IPMK: variants seen among roughly 807,000 people sequenced by gnomAD.
IPMK encodes the protein inositol polyphosphate multikinase, also known as inositol 1,3,4,6-tetrakisphosphate 5-kinase.
In IPMK, 17 loss-of-function variants were observed where a neutral mutation model predicts 45.8. The ratio of observed to expected loss-of-function variants is 0.37; its 90% CI spans 0.25 to 0.56. The LOEUF (loss-of-function observed/expected upper bound fraction) is 0.56, where lower values mean the gene tolerates loss of function less well. IPMK is among the 20% of genes least tolerant of loss of function. The pLI, the probability that IPMK is intolerant of heterozygous loss-of-function variation, is 0.79. For missense variants in IPMK, 399 were observed against 498.0 expected, an observed-to-expected ratio of 0.80 and a Z score of 1.89; for synonymous variants, 180 against 184.3, an observed-to-expected ratio of 0.98 and a Z score of 0.19.
intron 3 of IPMK, among the ~76,000 whole-genome samples, chr10:58,221,790 C>T (rs1443130196): frequency 2.6e-5 from 4 of 152,086 alleles, no homozygotes; most frequent in African/African-American, 9.6e-5. Flanking sequence ...TCTCTGTCGC[C>T]CAGGCTGGAG....
intron 3 of IPMK, among the ~76,000 whole-genome samples, chr10:58,219,257 T>C (rs1838294890): frequency 1.3e-5 from 2 of 152,198 alleles, no homozygotes; most frequent in Admixed American, 1.3e-4. Flanking sequence ...TCCCTCTGAG[T>C]TAAAAAATAA....
At chr10:58,228,108 T>G (rs1838447882) in intron 2 of IPMK, among the ~76,000 whole-genome samples, 2 of 152,172 alleles carry the variant, frequency 1.3e-5, no homozygotes, top group Admixed American at 6.5e-5. Flanking sequence ...TTCATATTAG[T>G]CACTTCCAGG....
intron 4 of IPMK, among the ~76,000 whole-genome samples, chr10:58,208,810 G>C (rs577999645): frequency 6.6e-6 from 1 of 151,498 alleles, no homozygotes; most frequent in Admixed American, 6.6e-5. Flanking sequence ...GCCCATAGAG[G>C]GGGTATCCCT....
In IPMK at chr10:58,233,240, G is replaced by T. The variant is rs545044831; in HGVS notation, c.276+4489C>A. ...GATTCACAGCCGAATTCTACCAGAA[G>T]TACAAAGAGGAGCTGGTACCATTCC... On this transcript the variant is annotated intron_variant, in intron 2 of 5. Transcript: ENST00000373935. 2.0e-5 allele frequency among the ~76,000 whole-genome samples: 3 copies of T among 152,258 alleles called. No individual in the cohort carries two copies. The South Asian group carries it at 6.2e-4, about 32-fold the overall frequency.
At chr10:58,265,055 T>C (rs1839130070) in intron 1 of IPMK, among the ~76,000 whole-genome samples, 1 of 152,234 alleles carries the variant, frequency 6.6e-6, no homozygotes, top group Non-Finnish European at 1.5e-5. Context: ...AAATACTTTG[T>C]ATTCTTAGAA....
chr10:58,252,274 A>T (rs1838891596), intron 1 of IPMK, among the ~76,000 whole-genome samples: 1 of 152,200 alleles, frequency 6.6e-6, no homozygotes, highest in Non-Finnish European at 1.5e-5. Flanking sequence ...CTTTAACACC[A>T]TATCACCCCC....
rs556664191 is a variant in IPMK, at chr10:58,193,920, T to C, written c.*2156A>G. On this transcript the variant is annotated 3_prime_UTR_variant, in exon 6 of 6. Coordinates refer to ENST00000373935, the MANE Select transcript of IPMK (RefSeq NM_152230.5). ...CTTATAAAGCAACATAAAATGAGCA[T>C]TGGATAACAATGATAACAAATGTAA... The C allele has an allele frequency of 6.6e-6, 1 of 151,978 alleles. No individual in the cohort carries two copies. Among genetic ancestry groups the C allele is most frequent in the South Asian group, 2.1e-4 (1 of 4,826 alleles). 9.4% of individuals were successfully genotyped at this position (151,978 alleles called of 1,614,324 possible).
chr10:58,255,785 C>T (rs959515310), intron 1 of IPMK, among the ~76,000 whole-genome samples: 4 of 152,048 alleles, frequency 2.6e-5, no homozygotes, highest in African/African-American at 9.7e-5. Context: ...AGACCCCGAA[C>T]GGAGGGACCG....
rs529077470 is a variant in IPMK at position 58,257,352 on chromosome 10, G to A, written c.190+10070C>T. On this transcript the variant is annotated intron_variant, in intron 1 of 5. Transcript: ENST00000373935. ...TCTACTAAAAACACAAAGATTAGCT[G>A]GGCATGGTGGCATGTGCCTGTAGTC... 5.3e-5 allele frequency among the ~76,000 whole-genome samples: 8 copies of A among 152,088 alleles called. 1 individual carries two copies. Among genetic ancestry groups the A allele is most frequent in the African/African-American group, 1.9e-4 (8 of 41,498 alleles).
At chr10:58,253,188 C>T (rs565608125) in intron 1 of IPMK, among the ~76,000 whole-genome samples, 3 of 152,224 alleles carry the variant, frequency 2.0e-5, no homozygotes, top group South Asian at 2.1e-4. Context: ...TCTTGCCTGC[C>T]GCTATGTAAA....
intron 4 of IPMK, among the ~76,000 whole-genome samples, chr10:58,211,700 A>G (rs368127168): frequency 5.9e-5 from 9 of 151,266 alleles, no homozygotes; most frequent in African/African-American, 2.2e-4. Context: ...ACCTCAGTGC[A>G]ACAGTGAAAC....
chr10:58,237,588 C>A lies in IPMK; in HGVS notation c.276+141G>T, dbSNP rs747257880. On this transcript the variant is annotated intron_variant, in intron 2 of 5. Coordinates refer to ENST00000373935, the MANE Select transcript of IPMK (RefSeq NM_152230.5). ...GACTGCATCACATACAGTAAAGATACGCACTGCTTTCCATGAAGCTTTTGT... is the reference window on the plus strand; with the variant it reads ...GACTGCATCACATACAGTAAAGATAAGCACTGCTTTCCATGAAGCTTTTGT... The A allele has an allele frequency of 1.3e-5, 8 of 636,388 alleles. No homozygotes were observed. In the African/African-American group the frequency reaches 1.3e-4, roughly 10 times the overall value. The allele number at this position is 636,388 out of a possible 1,614,324, so 39.4% of individuals were successfully genotyped here. A position where few individuals can be genotyped will look rare whatever the true frequency, so the allele number is the denominator to read the frequency against.
chr10:58,200,144 A>G (rs1037219950), intron 4 of IPMK, among the ~76,000 whole-genome samples: 1 of 152,146 alleles, frequency 6.6e-6, no homozygotes, highest in Non-Finnish European at 1.5e-5. Flanking sequence ...GGAGGGACGG[A>G]GTCTCTCTCT....
intron 1 of IPMK, among the ~76,000 whole-genome samples, chr10:58,263,222 C>CA (rs1839100709): frequency 1.3e-5 from 2 of 151,630 alleles, no homozygotes; most frequent in African/African-American, 4.9e-5. Flanking sequence ...CCCATCTCTA[C>CA]AAAAAATTTT....
intron 1 of IPMK, among the ~76,000 whole-genome samples, chr10:58,248,765 T>A (rs1414529488): frequency 6.6e-6 from 1 of 152,214 alleles, no homozygotes; most frequent in Non-Finnish European, 1.5e-5. Context: ...TGTTTTTAGC[T>A]CCCTCATCTG....
intron 1 of IPMK, among the ~76,000 whole-genome samples, chr10:58,243,713 C>G (rs1157535251): frequency 6.6e-6 from 1 of 152,304 alleles, no homozygotes; most frequent in African/African-American, 2.4e-5. Context: ...GATCTCGGCT[C>G]GCTACAACCT....
chr10:58,221,533 T>G (rs1460475393), intron 3 of IPMK, among the ~76,000 whole-genome samples: 2 of 152,062 alleles, frequency 1.3e-5, no homozygotes, highest in African/African-American at 4.8e-5. Context: ...CAAAAAAATA[T>G]AATGAACTAA....
chr10:58,243,612 AG>A (rs1838732900), intron 1 of IPMK, among the ~76,000 whole-genome samples: 1 of 151,768 alleles, frequency 6.6e-6, no homozygotes, highest in African/African-American at 2.4e-5. Flanking sequence ...TCGGGTGATT[AG>A]CCCGCCTCGG....
intron 1 of IPMK, among the ~76,000 whole-genome samples, chr10:58,244,926 C>T (rs933243667): frequency 2.0e-5 from 3 of 152,050 alleles, no homozygotes; most frequent in Non-Finnish European, 4.4e-5. Flanking sequence ...GGGACCTCTG[C>T]CTAGGAAAAC....
Sources: allele counts gnomAD v4.1 joint callset (sites outside exome capture counted in the v4.1 genomes callset), GRCh38; gene constraint gnomAD v4.1.1; transcripts MANE v1.5; gene names NCBI Gene and HGNC (gene_info 2026-07-23, HGNC 2026-07-21).